Variants in INTS9 observed in about 807,000 individuals in gnomAD.
The protein encoded by INTS9 is protein related to CPSF subunits of 74 kDa.
INTS9 carries 55 observed loss-of-function variants against 79.7 expected under a neutral mutation model. That is an observed-to-expected ratio of 0.69 (90% confidence interval 0.56 to 0.86). INTS9 has a LOEUF of 0.86. INTS9 is among the 40% of genes least tolerant of loss of function. The probability of loss-of-function intolerance (pLI) is 0.00; values close to 1 mark genes in which losing one functional copy is unlikely to be tolerated. For synonymous variants in INTS9, 319 were observed against 325.2 expected (o/e 0.98, Z 0.20); for missense variants, 721 against 831.5 (o/e 0.87, Z 1.64).
chr8:28,842,390 T>C (rs1211321720), intron 4 of INTS9, among the ~76,000 whole-genome samples: 1 of 152,230 alleles, frequency 6.6e-6, no homozygotes, highest in Non-Finnish European at 1.5e-5. Flanking sequence ...ATGGTATCAA[T>C]CCTTCTTCCA....
chr8:28,812,820 C>T (rs1805230485), intron 7 of INTS9, among the ~76,000 whole-genome samples: 1 of 152,214 alleles, frequency 6.6e-6, no homozygotes, highest in Non-Finnish European at 1.5e-5. Flanking sequence ...CACTGCGCTC[C>T]AGCCTGAGTA....
chr8:28,816,574 T>C (rs1805497224), intron 6 of INTS9, among the ~76,000 whole-genome samples: 1 of 150,018 alleles, frequency 6.7e-6, no homozygotes, highest in Admixed American at 6.6e-5. Flanking sequence ...TTGGGTTGGT[T>C]CCAAGTCTTT....
chr8:28,814,086 A>G (rs1204247692), intron 6 of INTS9, among the ~76,000 whole-genome samples: 1 of 151,534 alleles, frequency 6.6e-6, no homozygotes, highest in Admixed American at 6.6e-5. Context: ...AAAAAAAAAA[A>G]TAGAGACATG....
chr8:28,851,088 T>G (rs1220339365), intron 2 of INTS9, among the ~76,000 whole-genome samples: 2 of 152,172 alleles, frequency 1.3e-5, no homozygotes, highest in Admixed American at 1.3e-4. Flanking sequence ...GAAGGCAATG[T>G]GTGAAGAAAA....
intron 6 of INTS9, among the ~76,000 whole-genome samples, chr8:28,832,947 A>G (rs1421346222): frequency 6.6e-6 from 1 of 151,964 alleles, no homozygotes; most frequent in Admixed American, 6.6e-5. Context: ...TGGGAGACAG[A>G]GCGAAACTCC....
intron 14 of INTS9, among the ~76,000 whole-genome samples, chr8:28,773,140 T>C (rs1353207620): frequency 6.6e-6 from 1 of 152,212 alleles, no homozygotes; most frequent in African/African-American, 2.4e-5. Context: ...AAGTGTTATT[T>C]ATAACACAGA....
intron 1 of INTS9, among the ~76,000 whole-genome samples, chr8:28,881,789 G>A (rs1234563333): frequency 1.4e-5 from 2 of 146,996 alleles, no homozygotes; most frequent in African/African-American, 5.0e-5. Context: ...GGGAAGTGAG[G>A]AGCCCCTCTG....
At chr8:28,825,024 T>C (rs749594268) in intron 6 of INTS9, among the ~76,000 whole-genome samples, 2 of 152,164 alleles carry the variant, frequency 1.3e-5, no homozygotes, top group Non-Finnish European at 2.9e-5. Context: ...AATACTGCAG[T>C]GGACTCCACC....
intron 12 of INTS9, among the ~76,000 whole-genome samples, chr8:28,779,414 G>A (rs1563244842): frequency 6.6e-6 from 1 of 152,138 alleles, no homozygotes; most frequent in Non-Finnish European, 1.5e-5. Context: ...CTGTGTGAAC[G>A]CAACTTCCTG....
chr8:28,869,301 C>T (rs1405684972), intron 1 of INTS9, among the ~76,000 whole-genome samples: 1 of 152,170 alleles, frequency 6.6e-6, no homozygotes, highest in South Asian at 2.1e-4. Flanking sequence ...CAGCCTTGGC[C>T]TCCCAAAGTG....
At chr8:28,792,399 G>A (rs764332082) in intron 10 of INTS9, among the ~76,000 whole-genome samples, 5 of 151,718 alleles carry the variant, frequency 3.3e-5, no homozygotes, top group African/African-American at 7.3e-5. Flanking sequence ...ACCTATAGAG[G>A]CAAGAATTTT....
At chr8:28,805,260 C>T (rs1408607900) in intron 8 of INTS9, among the ~76,000 whole-genome samples, 3 of 152,140 alleles carry the variant, frequency 2.0e-5, no homozygotes, top group Admixed American at 2.0e-4. Context: ...ACAAGCGATA[C>T]AAGTGGAAAA....
chr8:28,817,294 C>T (rs1193913975), intron 6 of INTS9, among the ~76,000 whole-genome samples: 10 of 152,014 alleles, frequency 6.6e-5, no homozygotes, highest in African/African-American at 1.7e-4. Context: ...TTAGGTCTAA[C>T]GTTTAAGTCT....
chr8:28,865,217 T>C (rs2131314300), intron 1 of INTS9, among the ~76,000 whole-genome samples: 1 of 152,072 alleles, frequency 6.6e-6, no homozygotes, highest in East Asian at 1.9e-4. Context: ...TTTGTAAAAC[T>C]ATTTGATTCA....
At chr8:28,803,229 G>A (rs1233154134) in intron 8 of INTS9, among the ~76,000 whole-genome samples, 1 of 152,220 alleles carries the variant, frequency 6.6e-6, no homozygotes, top group Admixed American at 6.5e-5. Flanking sequence ...TACCCCTGAA[G>A]TCAGACAGAG....
At chr8:28,799,498 T>G (rs1378066507) in intron 8 of INTS9, 1 of 152,168 alleles carries the variant, frequency 6.6e-6, no homozygotes, top group African/African-American at 2.4e-5. Context: ...GTTTGTAATT[T>G]TAGCTCTTAA....
intron 2 of INTS9, among the ~76,000 whole-genome samples, chr8:28,853,527 C>T (rs533213453): frequency 4.8e-4 from 73 of 151,860 alleles, no homozygotes; most frequent in African/African-American, 1.7e-3. Context: ...ATTTTACTAA[C>T]ATTTCTTAGG....
chr8:28,842,525 T>G (rs1807251021), intron 4 of INTS9, among the ~76,000 whole-genome samples: 1 of 152,186 alleles, frequency 6.6e-6, no homozygotes, highest in Admixed American at 6.5e-5. Context: ...CAGCACTGCT[T>G]CTTCTATGTC....
intron 11 of INTS9, among the ~76,000 whole-genome samples, chr8:28,784,876 T>G (rs565298279): frequency 6.6e-6 from 1 of 152,360 alleles, no homozygotes. Flanking sequence ...ATGCTCCTAA[T>G]AGCAAACAAA....
Sources: allele counts gnomAD v4.1 joint callset (sites outside exome capture counted in the v4.1 genomes callset), GRCh38; gene constraint gnomAD v4.1.1; transcripts MANE v1.5; gene names NCBI Gene and HGNC (gene_info 2026-07-23, HGNC 2026-07-21).